Variants in WDR26 observed in about 807,000 individuals in gnomAD.
The protein encoded by WDR26 is WD repeat-containing protein 26.
WDR26 carries 5 observed loss-of-function variants against 84.1 expected under a neutral mutation model. The observed-to-expected ratio is 0.06, with a 90% CI of 0.03 to 0.13. WDR26 has a LOEUF of 0.13. Among genes scored for constraint, WDR26 ranks in the 10% least tolerant of loss-of-function variants. The pLI is 1.00. For missense variants in WDR26, 642 were observed against 974.9 expected (o/e 0.66, Z 4.55); for synonymous variants, 415 against 389.6 (o/e 1.07, Z -0.77).
intron 1 of WDR26, among the ~76,000 whole-genome samples, chr1:224,432,836 T>C (rs578245218): frequency 5.9e-5 from 9 of 152,272 alleles, no homozygotes; most frequent in African/African-American, 2.2e-4. Flanking sequence ...CTCCCACCAA[T>C]CCTACCTTCC....
chr1:224,424,443 A>G, intron 4 of WDR26, 75 bp downstream of exon 4: 1 of 1,559,980 alleles, frequency 6.4e-7, no homozygotes, highest in Non-Finnish European at 8.7e-7. Context: ...TCAAGATTTT[A>G]TATTTTGGAA....
chr1:224,426,770 C>G (rs992515530), intron 3 of WDR26, among the ~76,000 whole-genome samples: 1 of 151,502 alleles, frequency 6.6e-6, no homozygotes, highest in African/African-American at 2.4e-5. Flanking sequence ...GAAATGAAGA[C>G]CTCATATATT....
At chr1:224,430,470 C>A in intron 3 of WDR26, 1 of 152,084 alleles carries the variant, frequency 6.6e-6, no homozygotes, top group East Asian at 1.9e-4. Context: ...TAGAATTATA[C>A]TGAGTTTGAA....
chr1:224,410,023 G>A (rs1673689506), intron 7 of WDR26, among the ~76,000 whole-genome samples: 1 of 152,024 alleles, frequency 6.6e-6, no homozygotes, highest in Admixed American at 6.6e-5. Flanking sequence ...GCTCACGCCT[G>A]TAATCCCAGC....
At position 224,389,650 on chromosome 1, in the gene WDR26, A is replaced by AT; in HGVS notation, c.*184dup. 3 of 650,658 alleles carry AT rather than the reference A, an allele frequency of 4.6e-6. No homozygotes were observed. The highest frequency in any genetic ancestry group is 8.1e-6 in the Non-Finnish European group (3 of 371,380). The allele number at this position is 650,658 out of a possible 1,614,324, so 40.3% of individuals were successfully genotyped here. A position where few individuals can be genotyped will look rare whatever the true frequency, so the allele number is the denominator to read the frequency against. On this transcript the variant is annotated 3_prime_UTR_variant, in exon 14 of 14. Transcript: ENST00000414423. Reference sequence around the variant, plus strand: ...CAACAACGTTCTAACGACGTGCTTCATCTCAACTGGTTACTATGAAGCAAG... The same window carrying AT: ...CAACAACGTTCTAACGACGTGCTTCATTCTCAACTGGTTACTATGAAGCAAG...
At chr1:224,425,186 T>C (rs181729875) in intron 3 of WDR26, among the ~76,000 whole-genome samples, 2 of 152,324 alleles carry the variant, frequency 1.3e-5, no homozygotes, top group Admixed American at 1.3e-4. Flanking sequence ...AAAGTATATT[T>C]TGGCTTATCA....
At position 224,434,002 on chromosome 1, in the gene WDR26, A is replaced by C; in HGVS notation, c.404T>G (p.Leu135Trp). 1 of 1,516,260 alleles carries C rather than the reference A, an allele frequency of 6.6e-7. No individual in the cohort carries two copies. The highest frequency in any genetic ancestry group is 8.8e-7 in the Non-Finnish European group (1 of 1,134,464). 93.9% of individuals were successfully genotyped at this position (1,516,260 alleles called of 1,614,324 possible). Residue 135 changes from leucine (L) to tryptophan (W), a missense_variant, in exon 1 of 14, where the codon TTG (leucine) becomes TGG (tryptophan). By Grantham distance (61) the Leu-to-Trp change is moderately conservative. Transcript: ENST00000414423. ...GGACGACTCCCCGTTCTGGGCCGACAAGCAGGCGAGTTCCGGGGTCTGTCC... is the reference window on the plus strand; with the variant it reads ...GGACGACTCCCCGTTCTGGGCCGACCAGCAGGCGAGTTCCGGGGTCTGTCC...
chr1:224,398,945 T>C lies in WDR26; in HGVS notation c.1809A>G (p.Ser603=). The C allele has an allele frequency of 6.2e-7, 1 of 1,613,774 alleles. No individual in the cohort carries two copies. Among genetic ancestry groups the C allele is most frequent in the Non-Finnish European group, 8.5e-7 (1 of 1,179,898 alleles). The change falls in exon 10 of 14, where the codon TCA becomes TCG. Residue 603 remains serine, a synonymous_variant. Transcript: ENST00000414423. ...AGCCCCGAATTCGCTGGTGTGTATC[T>C]GATGCCAGAACAGTCTTTCCATCAC...
intron 13 of WDR26, 27 bp from the exon 14 acceptor site, chr1:224,389,887 G>A (rs753759473): frequency 2.7e-6 from 4 of 1,454,594 alleles, no homozygotes; most frequent in Middle Eastern, 3.5e-4. Context: ...TGAAATGTAT[G>A]GGGGGCGGGC....
At position 224,434,581 on chromosome 1, in the gene WDR26, CT is replaced by C. The variant is rs1382883473; in HGVS notation, c.-177del. ...AGGATCCGGGCCCTTTCCCCCCCCCCTCCCGGAGGCAGCTCGGGGTGCGCGG... is the reference window on the plus strand; with the variant it reads ...AGGATCCGGGCCCTTTCCCCCCCCCCCCCGGAGGCAGCTCGGGGTGCGCGG... On this transcript the variant is annotated 5_prime_UTR_variant, in exon 1 of 14. Transcript: ENST00000414423. 12 of 479,866 alleles carry C rather than the reference CT, an allele frequency of 2.5e-5. No individual in the cohort carries two copies. Among genetic ancestry groups the C allele is most frequent in the East Asian group, 1.6e-4 (1 of 6,348 alleles). 29.7% of individuals were successfully genotyped at this position (479,866 alleles called of 1,614,324 possible). A position where few individuals can be genotyped will look rare whatever the true frequency, so the allele number is the denominator to read the frequency against.
chr1:224,433,620 C>CCA, intron 1 of WDR26, 64 bp downstream of exon 1: 2 of 1,177,764 alleles, frequency 1.7e-6, no homozygotes, highest in Non-Finnish European at 1.1e-6. Flanking sequence ...GCCCCTTCCC[C>CCA]TACCCCCCTG....
intron 8 of WDR26, among the ~76,000 whole-genome samples, chr1:224,402,820 A>G (rs1026574859): frequency 4.6e-5 from 7 of 152,188 alleles, no homozygotes; most frequent in Non-Finnish European, 1.0e-4. Context: ...CAAATACAGC[A>G]TTGATTAAAT....
At chr1:224,407,142 AAAAAAAAAAATATAT>A (rs1307002927) in intron 7 of WDR26, among the ~76,000 whole-genome samples, 1 of 58,854 alleles carries the variant, frequency 1.7e-5, no homozygotes, top group East Asian at 5.0e-4. Flanking sequence ...AAAAAAAAAA[AAAAAAAAAAATATAT>A]ATATATATAT....
At chr1:224,428,547 C>T (rs779595597) in intron 3 of WDR26, among the ~76,000 whole-genome samples, 2 of 152,178 alleles carry the variant, frequency 1.3e-5, no homozygotes, top group African/African-American at 2.4e-5. Context: ...TTATTGGTCT[C>T]GTATACCCAT....
chr1:224,433,936 T>C lies in WDR26; in HGVS notation c.470A>G (p.Asn157Ser), dbSNP rs1325283653. Residue 157 changes from asparagine (N) to serine (S), a missense_variant, in exon 1 of 14, where the codon AAT (asparagine) becomes AGT (serine). Coordinates refer to ENST00000414423, the MANE Select transcript of WDR26 (RefSeq NM_001379403.1). ...GGAGGGGGCGGAAGGCAGGAGCCCA[T>C]TGGCGTGGGCCAGGTCCCCCGCGGA... 5 of 1,535,550 alleles carry C rather than the reference T, an allele frequency of 3.3e-6. No individual in the cohort carries two copies. The highest frequency in any genetic ancestry group is 1.4e-5 in the African/African-American group (1 of 73,092).
chr1:224,407,149 A>G lies in WDR26; in HGVS notation c.1459-2579T>C, dbSNP rs866365063. The stretch of plus-strand genomic sequence containing the variant: ...AAAAAAAAAAAAAAAAAAAAAAAAA[A>G]AAATATATATATATATATATATAAC... On this transcript the variant is annotated intron_variant, in intron 7 of 13. Coordinates refer to ENST00000414423, the MANE Select transcript of WDR26 (RefSeq NM_001379403.1). Among the ~76,000 whole-genome samples the G allele has an allele frequency of 3.9e-3, 70 of 17,854 alleles. 1 individual carries two copies. The highest frequency in any genetic ancestry group is 5.7e-3 in the Non-Finnish European group (57 of 9,918). 11.7% of individuals were successfully genotyped at this position (17,854 alleles called of 152,430 possible).
intron 3 of WDR26, among the ~76,000 whole-genome samples, chr1:224,425,466 C>A (rs934136155): frequency 6.6e-6 from 1 of 152,194 alleles, no homozygotes; most frequent in Non-Finnish European, 1.5e-5. Context: ...ACCAATAAAC[C>A]ACTTTCCAGC....
chr1:224,431,809 AC>A, intron 1 of WDR26, 28 bp from the exon 2 acceptor site: 2 of 1,547,642 alleles, frequency 1.3e-6, no homozygotes, highest in Non-Finnish European at 1.8e-6. Flanking sequence ...TGTAAAACAG[AC>A]CTGACCAATT....
At chr1:224,421,878 GC>G (rs1026032044) in intron 4 of WDR26, among the ~76,000 whole-genome samples, 24 of 152,222 alleles carry the variant, frequency 1.6e-4, no homozygotes, top group Admixed American at 9.8e-4. Flanking sequence ...TGAATTATTA[GC>G]TTTATATTGT....
Sources: gnomAD v4.1 joint callset for allele counts (sites outside exome capture counted in the v4.1 genomes callset) on GRCh38, gnomAD v4.1.1 for gene constraint, MANE v1.5 for transcripts, NCBI Gene and HGNC (gene_info 2026-07-23, HGNC 2026-07-21) for gene names.